ASB1: variants seen among roughly 807,000 people sequenced by gnomAD.
ASB1 encodes ankyrin repeat and SOCS box protein 1.
ASB1 carries 18 observed loss-of-function variants against 27.7 expected under a neutral mutation model. The ratio of observed to expected loss-of-function variants is 0.65; its 90% CI spans 0.45 to 0.96. The LOEUF is 0.96. ASB1 is among the 50% of genes least tolerant of loss of function. The pLI is 0.00. For missense variants in ASB1, 397 were observed against 451.7 expected, an observed-to-expected ratio of 0.88 and a Z score of 1.10; for synonymous variants, 189 against 187.6, an observed-to-expected ratio of 1.01 and a Z score of -0.06.
chr2:238,445,655 C>T (rs1702166212), intron 4 of ASB1, among the ~76,000 whole-genome samples: 1 of 152,216 alleles, frequency 6.6e-6, no homozygotes, highest in African/African-American at 2.4e-5. Flanking sequence ...CACCCCCTCC[C>T]ACCGCTCCCA....
intron 1 of ASB1, 124 bp from the exon 2 acceptor site, chr2:238,433,430 T>G (rs1316001850): frequency 1.7e-6 from 2 of 1,193,350 alleles, no homozygotes; most frequent in African/African-American, 3.0e-5. Flanking sequence ...TTGTGATTTA[T>G]TTCTTGAGCA....
chr2:238,428,164 A>C (rs1444007091), intron 1 of ASB1, among the ~76,000 whole-genome samples: 1 of 152,254 alleles, frequency 6.6e-6, no homozygotes, highest in African/African-American at 2.4e-5. Flanking sequence ...CTTAGGGTCT[A>C]GGATGTCATC....
At chr2:238,439,252 G>A (rs1222227913) in intron 3 of ASB1, among the ~76,000 whole-genome samples, 1 of 152,178 alleles carries the variant, frequency 6.6e-6, no homozygotes, top group Non-Finnish European at 1.5e-5. Context: ...TGTTTGTAGT[G>A]GAAGCTTCAT....
Position 238,435,950 on chromosome 2 carries a change from G to A in ASB1, c.431G>A (p.Arg144His), listed in dbSNP as rs766226125. The change falls in exon 3 of 5, where the codon CGC becomes CAC. Residue 144 changes from arginine to histidine, a missense_variant. Coordinates refer to ENST00000264607, the MANE Select transcript of ASB1 (RefSeq NM_001040445.3). ...GADPNGSRHHRSTPVYHASRV... is the reference protein window; with the variant it reads ...GADPNGSRHHHSTPVYHASRV... ...GACCCCAACGGAAGCCGGCACCATC[G>A]CAGCACCCCTGTCTACCACGCCTCT... 1.4e-5 allele frequency: 22 copies of A among 1,613,992 alleles called. No homozygotes were observed. The Admixed American group carries it at 1.7e-4, about 12-fold the overall frequency.
chr2:238,444,851 G>T (rs369809782), intron 4 of ASB1, 124 bp downstream of exon 4: 1 of 1,068,314 alleles, frequency 9.4e-7, no homozygotes, highest in Non-Finnish European at 1.3e-6. Flanking sequence ...GTTAGAACTC[G>T]CAGTTTTCCA....
At chr2:238,436,077 G>C (rs1701966536) in intron 3 of ASB1, 64 bp downstream of exon 3, 2 of 1,438,186 alleles carry the variant, frequency 1.4e-6, no homozygotes, top group South Asian at 2.9e-5. Flanking sequence ...GTATTTTGCA[G>C]TTTTTCTGTC....
Position 238,426,961 on chromosome 2 carries a change from C to A in ASB1, c.-110C>A. The A allele has an allele frequency of 3.3e-6, 3 of 896,060 alleles. No homozygotes were observed. The highest frequency in any genetic ancestry group is 4.4e-6 in the Non-Finnish European group (3 of 685,378). The allele number at this position is 896,060 out of a possible 1,614,324, so 55.5% of individuals were successfully genotyped here. On this transcript the variant is annotated 5_prime_UTR_variant, in exon 1 of 5. Coordinates refer to ENST00000264607, the MANE Select transcript of ASB1 (RefSeq NM_001040445.3). Reference sequence around the variant, plus strand: ...GGCGCGCGCCCGCCGGAAGCCGCGACCCCGACGCGCCCCCCATTGCCCTCG... The same window carrying A: ...GGCGCGCGCCCGCCGGAAGCCGCGAACCCGACGCGCCCCCCATTGCCCTCG...
chr2:238,427,448 C>T, intron 1 of ASB1: 1 of 252,566 alleles, frequency 4.0e-6, no homozygotes, highest in East Asian at 7.1e-5. Flanking sequence ...GGGCCACCTT[C>T]CAGCTCTGAG....
intron 3 of ASB1, among the ~76,000 whole-genome samples, chr2:238,439,364 C>T (rs906607266): frequency 9.2e-5 from 14 of 152,080 alleles, no homozygotes; most frequent in Non-Finnish European, 1.8e-4. Flanking sequence ...GTCCTCAGGC[C>T]TGTGCTTCCT....
intron 4 of ASB1, among the ~76,000 whole-genome samples, chr2:238,445,454 G>A (rs183991827): frequency 2.0e-5 from 3 of 152,298 alleles, no homozygotes; most frequent in Admixed American, 1.3e-4. Context: ...ACTTTGGATT[G>A]TGTGATAAGC....
Position 238,447,628 on chromosome 2 carries a change from C to G in ASB1, c.*1117C>G, listed in dbSNP as rs1399212695. On this transcript the variant is annotated 3_prime_UTR_variant, in exon 5 of 5. Coordinates refer to ENST00000264607, the MANE Select transcript of ASB1 (RefSeq NM_001040445.3). Reference sequence around the variant, plus strand: ...TGGGCTGGTGGCTGCAGCCTCAGAGCCCTCCCAGGTTGCTGCTGTTTCCAG... The same window carrying G: ...TGGGCTGGTGGCTGCAGCCTCAGAGGCCTCCCAGGTTGCTGCTGTTTCCAG... 1.3e-5 allele frequency: 2 copies of G among 152,224 alleles called. No homozygotes were observed. Among genetic ancestry groups the G allele is most frequent in the Non-Finnish European group, 2.9e-5 (2 of 68,048 alleles). The allele number at this position is 152,224 out of a possible 1,614,324, so 9.4% of individuals were successfully genotyped here. A position where few individuals can be genotyped will look rare whatever the true frequency, so the allele number is the denominator to read the frequency against.
Position 238,446,691 on chromosome 2 carries a change from C to T in ASB1, c.*180C>T, listed in dbSNP as rs1702187732. 1.5e-6 allele frequency: 1 copy of T among 677,920 alleles called. No homozygotes were observed. Among genetic ancestry groups the T allele is most frequent in the Non-Finnish European group, 2.5e-6 (1 of 401,516 alleles). 42.0% of individuals were successfully genotyped at this position (677,920 alleles called of 1,614,324 possible). On this transcript the variant is annotated 3_prime_UTR_variant, in exon 5 of 5. Coordinates refer to ENST00000264607, the MANE Select transcript of ASB1 (RefSeq NM_001040445.3). ...CGCTGAACAGTCCTTGGGTCATTGT[C>T]AGCTGAGAGGCTTATACTAAAGTTA...
chr2:238,435,772 G>T lies in ASB1; in HGVS notation c.253G>T (p.Ala85Ser). 1 of 1,614,056 alleles carries T rather than the reference G, an allele frequency of 6.2e-7. No individual in the cohort carries two copies. Residue 85 changes from alanine (A) to serine (S), a missense_variant, in exon 3 of 5, where the codon GCG (alanine) becomes TCG (serine). Ala to Ser is a moderately conservative substitution (Grantham distance 99). Coordinates refer to ENST00000264607, the MANE Select transcript of ASB1 (RefSeq NM_001040445.3). The part of the protein sequence containing the change: ...GWLPCTPLRI[A>S]ATAGHGSCVD... ...GCTCCCCTGCACACCGTTGCGAATC[G>T]CGGCCACTGCAGGCCATGGGAGCTG...
At chr2:238,435,533 C>A (rs995195847) in intron 2 of ASB1, among the ~76,000 whole-genome samples, 178 bp from the exon 3 acceptor site, 1 of 152,236 alleles carries the variant, frequency 6.6e-6, no homozygotes, top group Non-Finnish European at 1.5e-5. Flanking sequence ...AATGCCTGCC[C>A]TGCCATGCCC....
intron 1 of ASB1, 140 bp from the exon 2 acceptor site, chr2:238,433,414 C>T: frequency 9.5e-7 from 1 of 1,055,028 alleles, no homozygotes. Flanking sequence ...TGCCACCATG[C>T]CCAGCTTGTG....
chr2:238,437,560 G>GT (rs1280026988), intron 3 of ASB1, among the ~76,000 whole-genome samples: 1 of 115,320 alleles, frequency 8.7e-6, no homozygotes, highest in Admixed American at 1.0e-4. Context: ...ACTAACGGTT[G>GT]CCTTTTTTTT....
In ASB1 at chr2:238,446,616, G is replaced by C; in HGVS notation, c.*105G>C. The C allele has an allele frequency of 6.9e-7, 1 of 1,447,796 alleles. No homozygotes were observed. 89.7% of individuals were successfully genotyped at this position (1,447,796 alleles called of 1,614,324 possible). ...TGCTGCTGGTCTCCTGATGGCTGTTGCTGCAGAAGATGTCCTCGTAGACTG... is the reference window on the plus strand; with the variant it reads ...TGCTGCTGGTCTCCTGATGGCTGTTCCTGCAGAAGATGTCCTCGTAGACTG... On this transcript the variant is annotated 3_prime_UTR_variant, in exon 5 of 5. Coordinates refer to ENST00000264607, the MANE Select transcript of ASB1 (RefSeq NM_001040445.3).
Position 238,435,874 on chromosome 2 carries a change from G to C in ASB1, c.355G>C (p.Val119Leu), listed in dbSNP as rs1701959763. 6.2e-7 allele frequency: 1 copy of C among 1,614,130 alleles called. No individual in the cohort carries two copies. Among genetic ancestry groups the C allele is most frequent in the Admixed American group, 1.7e-5 (1 of 60,010 alleles). ...AGGACAGACGGCCCTGTATGTGGCT[G>C]TGGTGAACGGGCACCTAGAGAGTAC... ...VKGQTALYVAVVNGHLESTQI... is the reference protein window; with the variant it reads ...VKGQTALYVALVNGHLESTQI... The change falls in exon 3 of 5, where the codon GTG (valine) becomes CTG (leucine). Residue 119 changes from valine to leucine, a missense_variant. Physicochemically the swap from Val to Leu is conservative, Grantham distance 32. Coordinates refer to ENST00000264607, the MANE Select transcript of ASB1 (RefSeq NM_001040445.3).
Position 238,446,647 on chromosome 2 carries a change from G to A in ASB1, c.*136G>A. The A allele has an allele frequency of 8.6e-7, 1 of 1,161,524 alleles. No homozygotes were observed. Among genetic ancestry groups the A allele is most frequent in the East Asian group, 2.4e-5 (1 of 42,010 alleles). The allele number at this position is 1,161,524 out of a possible 1,614,324, so 72.0% of individuals were successfully genotyped here. A position where few individuals can be genotyped will look rare whatever the true frequency, so the allele number is the denominator to read the frequency against. ...GAAGATGTCCTCGTAGACTGTCATT[G>A]CTCCTCAGGTGCCTGGGCCGCTGAA... On this transcript the variant is annotated 3_prime_UTR_variant, in exon 5 of 5. Coordinates refer to ENST00000264607, the MANE Select transcript of ASB1 (RefSeq NM_001040445.3).
Sources: gnomAD v4.1 joint callset for allele counts (sites outside exome capture counted in the v4.1 genomes callset) on GRCh38, gnomAD v4.1.1 for gene constraint, MANE v1.5 for transcripts, NCBI Gene and HGNC (gene_info 2026-07-23, HGNC 2026-07-21) for gene names.